CYBB: variants seen among roughly 807,000 people sequenced by gnomAD.
The protein encoded by CYBB is NADPH oxidase 2.
Under a neutral mutation model 46.5 loss-of-function variants are expected in CYBB, and 5 were observed. That is an observed-to-expected ratio of 0.11 (90% CI 0.06 to 0.23). CYBB has a LOEUF of 0.23. Among genes scored for constraint, CYBB ranks in the 10% least tolerant of loss-of-function variants. The pLI, the probability that CYBB is intolerant of heterozygous loss-of-function variation, is 1.00. For synonymous variants in CYBB, 183 were observed against 156.7 expected (o/e 1.17, Z -1.26); for missense variants, 307 against 428.3 (o/e 0.72, Z 2.50).
intron 4 of CYBB, 42 bp from the exon 5 acceptor site, chrX:37,793,623 A>G (rs782005333): frequency 8.4e-7 from 1 of 1,195,294 alleles, no homozygotes; most frequent in Non-Finnish European, 1.1e-6. Context: ...AAATTTGTTC[A>G]TACCCTTCAT....
intron 6 of CYBB, chrX:37,798,080 A>G (rs1002309923): frequency 3.6e-5 from 4 of 112,119 alleles, no homozygotes; most frequent in African/African-American, 1.3e-4. Flanking sequence ...ACTTGAATTA[A>G]AACATTCTCA....
intron 3 of CYBB, among the ~76,000 whole-genome samples, chrX:37,787,433 C>A (rs1929094942): frequency 1.8e-5 from 2 of 111,964 alleles, no homozygotes; most frequent in South Asian, 7.3e-4. Flanking sequence ...TTCCCATTTT[C>A]TTGAAATATT....
intron 8 of CYBB, 79 bp from the exon 9 acceptor site, chrX:37,803,798 A>G (rs1929496112): frequency 2.8e-6 from 3 of 1,082,646 alleles, no homozygotes; most frequent in Middle Eastern, 2.8e-4. Flanking sequence ...AATTTAGCTC[A>G]GTTTTTTATC....
intron 1 of CYBB, among the ~76,000 whole-genome samples, chrX:37,781,469 G>A (rs1248624701): frequency 8.9e-6 from 1 of 112,509 alleles, no homozygotes; most frequent in Non-Finnish European, 1.9e-5. Flanking sequence ...TGGGTAGTGT[G>A]ACCACTTGAT....
Position 37,793,793 on chromosome X carries a change from G to T in CYBB, c.466G>T (p.Ala156Ser). 8.3e-7 allele frequency: 1 copy of T among 1,206,884 alleles called. No homozygotes were observed. The highest frequency in any genetic ancestry group is 1.1e-6 in the Non-Finnish European group (1 of 893,022). Residue 156 changes from alanine to serine, a missense_variant, in exon 5 of 13, where the codon GCT becomes TCT. This residue lies in a region of CYBB where 103 missense variants were observed against 150.2 expected (regional missense o/e 0.69). Transcript: ENST00000378588. ...GCAAAATGAAAGTTATCTCAATTTT[G>T]CTCGAAAGAGAATAAAGGTAAGCCT... is the stretch of plus-strand genomic sequence containing the variant. ...DRQNESYLNF[A>S]RKRIKNPEGG...
At chrX:37,792,795 T>C in intron 4 of CYBB, among the ~76,000 whole-genome samples, 1 of 111,120 alleles carries the variant, frequency 9.0e-6, no homozygotes, top group East Asian at 2.8e-4. Flanking sequence ...ACTGAGTTTC[T>C]CTTCTACTAG....
chrX:37,805,210 A>G lies in CYBB; in HGVS notation c.1314+42A>G, dbSNP rs372431772. 35 of 1,172,527 alleles carry G rather than the reference A, an allele frequency of 3.0e-5. No individual in the cohort carries two copies. In the African/African-American group the frequency reaches 3.4e-4, roughly 11 times the overall value. ...ATCGGAGGGCCTTAGAGCAGTAACCATACTCTGCCATGTGAGGCCTGAGAG... is the reference window on the plus strand; with the variant it reads ...ATCGGAGGGCCTTAGAGCAGTAACCGTACTCTGCCATGTGAGGCCTGAGAG... On this transcript the variant is annotated intron_variant, in intron 10 of 12. Coordinates refer to ENST00000378588, the MANE Select transcript of CYBB (RefSeq NM_000397.4).
In CYBB at chrX:37,811,973, A is replaced by C. The variant is rs906421911; in HGVS notation, c.*1056A>C. On this transcript the variant is annotated 3_prime_UTR_variant, in exon 13 of 13. Transcript: ENST00000378588. ...TGGTCTTCTCCAGCTAGCCCTTATG[A>C]ATATTGAACTTAGGAATTGTGACAA... The C allele has an allele frequency of 8.9e-6, 1 of 111,882 alleles. No individual in the cohort carries two copies. The highest frequency in any genetic ancestry group is 1.9e-5 in the Non-Finnish European group (1 of 53,175). 9.2% of individuals were successfully genotyped at this position (111,882 alleles called of 1,213,427 possible). A position where few individuals can be genotyped will look rare whatever the true frequency, so the allele number is the denominator to read the frequency against.
chrX:37,800,955 T>G (rs1556469727), intron 7 of CYBB, among the ~76,000 whole-genome samples: 1 of 112,383 alleles, frequency 8.9e-6, no homozygotes, highest in Admixed American at 9.4e-5. Context: ...TTACTGCAAC[T>G]GTAGTTGCAA....
chrX:37,803,940 G>A lies in CYBB; in HGVS notation c.961G>A (p.Val321Met). The change falls in exon 9 of 13, where the codon GTG (valine) becomes ATG (methionine). Residue 321 changes from valine (V) to methionine (M), a missense_variant. This residue lies in a region of CYBB where 122 missense variants were observed against 208.3 expected (regional missense o/e 0.59). Coordinates refer to ENST00000378588, the MANE Select transcript of CYBB (RefSeq NM_000397.4). ...QMKKKGFKME[V>M]GQYIFVKCPK... ...GAAGAAGAAGGGGTTCAAAATGGAA[G>A]TGGGACAATACATTTTTGTCAAGTG... 1 of 1,210,456 alleles carries A rather than the reference G, an allele frequency of 8.3e-7. No homozygotes were observed. Among genetic ancestry groups the A allele is most frequent in the Non-Finnish European group, 1.1e-6 (1 of 894,466 alleles).
intron 1 of CYBB, among the ~76,000 whole-genome samples, chrX:37,781,192 T>C (rs1295493384): frequency 3.6e-5 from 4 of 112,644 alleles, no homozygotes; most frequent in Non-Finnish European, 5.6e-5. Flanking sequence ...ATAATTTCTA[T>C]AGAAAGTAAG....
rs779720905 is a variant in CYBB, at chrX:37,811,954, T to A, written c.*1037T>A. The A allele has an allele frequency of 4.1e-4, 46 of 111,907 alleles. No homozygotes were observed. The highest frequency in any genetic ancestry group is 1.4e-3 in the African/African-American group (42 of 30,780). The allele number at this position is 111,907 out of a possible 1,213,427, so 9.2% of individuals were successfully genotyped here. A position where few individuals can be genotyped will look rare whatever the true frequency, so the allele number is the denominator to read the frequency against. The stretch of plus-strand genomic sequence containing the variant: ...ACTAATTTCCTGCCCAAAGTGGTCT[T>A]CTCCAGCTAGCCCTTATGAATATTG... On this transcript the variant is annotated 3_prime_UTR_variant, in exon 13 of 13. Transcript: ENST00000378588.
chrX:37,789,381 T>TG (rs1556466246), intron 3 of CYBB, among the ~76,000 whole-genome samples: 2 of 109,701 alleles, frequency 1.8e-5, no homozygotes, highest in African/African-American at 6.7e-5. Context: ...TATAAGTCAT[T>TG]GGGGGTCATT....
At position 37,783,564 on chromosome X, in the gene CYBB, T is replaced by C. The variant is rs782202693; in HGVS notation, c.216T>C (p.Cys72=). 1.8e-4 allele frequency: 213 copies of C among 1,205,512 alleles called. 1 individual carries two copies. In the South Asian group the frequency reaches 3.5e-3, roughly 20 times the overall value. ...GCATGCTGATTCTCTTGCCAGTCTG[T>C]CGAAATCTGCTGTCCTTCCTCAGGG... ...FNCMLILLPV[C]RNLLSFLRGS... The change falls in exon 3 of 13, where the codon TGT becomes TGC. Residue 72 remains cysteine, a synonymous_variant. Transcript: ENST00000378588.
intron 10 of CYBB, 122 bp from the exon 11 acceptor site, chrX:37,806,265 C>A (rs988392831): frequency 2.7e-6 from 2 of 751,231 alleles, no homozygotes; most frequent in Non-Finnish European, 4.1e-6. Flanking sequence ...TTCTGAAAAT[C>A]TATGTTTCTA....
chrX:37,807,897 GC>G (rs1929595560), intron 11 of CYBB, among the ~76,000 whole-genome samples: 1 of 111,257 alleles, frequency 9.0e-6, no homozygotes, highest in African/African-American at 3.3e-5. Flanking sequence ...TAAAAAGACA[GC>G]CCCCCACAAC....
At chrX:37,806,743 A>G (rs782466839) in intron 11 of CYBB, among the ~76,000 whole-genome samples, 24 of 111,617 alleles carry the variant, frequency 2.2e-4, no homozygotes, top group Non-Finnish European at 4.1e-4. Flanking sequence ...TGAGGGAATA[A>G]AAGCCATCAC....
At position 37,793,590 on chromosome X, in the gene CYBB, G is replaced by A. The variant is rs1260035992; in HGVS notation, c.338-75G>A. On this transcript the variant is annotated intron_variant, in intron 4 of 12. Coordinates refer to ENST00000378588, the MANE Select transcript of CYBB (RefSeq NM_000397.4). ...GTGGCTTATCATAGAGTCAGAGGCT[G>A]TCCCAGAAACCCAGCTTACAATAAA... The A allele has an allele frequency of 3.6e-6, 4 of 1,096,976 alleles. No individual in the cohort carries two copies. The African/African-American group carries it at 5.5e-5, about 15-fold the overall frequency. 90.4% of individuals were successfully genotyped at this position (1,096,976 alleles called of 1,213,427 possible).
At chrX:37,784,883 T>C (rs1230720935) in intron 3 of CYBB, among the ~76,000 whole-genome samples, 1 of 111,662 alleles carries the variant, frequency 9.0e-6, no homozygotes, top group Non-Finnish European at 1.9e-5. Flanking sequence ...TGCATATGTA[T>C]AGTTGAGGAG....
Sources: gnomAD v4.1 joint callset for allele counts (sites outside exome capture counted in the v4.1 genomes callset) on GRCh38, gnomAD v4.1.1 for gene constraint, gnomAD v4.1.1 regional missense constraint, MANE v1.5 for transcripts, NCBI Gene and HGNC (gene_info 2026-07-23, HGNC 2026-07-21) for gene names.